The following CCDC38 variants were observed in gnomAD, a reference collection of about 807,000 sequenced individuals.
CCDC38 encodes the protein coiled-coil domain-containing protein 38.
A neutral mutation model predicts 72.8 loss-of-function variants in CCDC38; 69 were observed. That is an observed-to-expected ratio of 0.95 (90% CI 0.78 to 1.16). The LOEUF is 1.16. Among genes scored for constraint, CCDC38 ranks in the 50% most tolerant of loss-of-function variants. The pLI is 0.00. For synonymous variants in CCDC38, 201 were observed against 213.2 expected (o/e 0.94, Z 0.50); for missense variants, 626 against 638.9 (o/e 0.98, Z 0.22).
intron 10 of CCDC38, among the ~76,000 whole-genome samples, chr12:95,884,469 A>G (rs781142154): frequency 6.6e-6 from 1 of 152,262 alleles, no homozygotes; most frequent in Non-Finnish European, 1.5e-5. Context: ...TATGGATTGG[A>G]AAATGTAACA....
At chr12:95,889,528 A>T (rs1406517682) in intron 9 of CCDC38, among the ~76,000 whole-genome samples, 2 of 152,208 alleles carry the variant, frequency 1.3e-5, no homozygotes, top group African/African-American at 4.8e-5. Context: ...GTGGCCTCAC[A>T]ACACAAAAGA....
intron 2 of CCDC38, chr12:95,933,393 A>G (rs1409318902): frequency 6.6e-6 from 1 of 152,254 alleles, no homozygotes; most frequent in African/African-American, 2.4e-5. Flanking sequence ...TTAAATAAGC[A>G]TTTAACAGAA....
chr12:95,938,455 A>C (rs1243586660), intron 1 of CCDC38, among the ~76,000 whole-genome samples: 1 of 152,104 alleles, frequency 6.6e-6, no homozygotes, highest in African/African-American at 2.4e-5. Context: ...TTTATCCTTA[A>C]AGTCTTTTTG....
chr12:95,898,290 A>G, intron 7 of CCDC38, 95 bp downstream of exon 7: 1 of 1,181,812 alleles, frequency 8.5e-7, no homozygotes. Context: ...TCATCAACTG[A>G]TAAGGATGAT....
At chr12:95,888,567 A>G (rs1233098654) in intron 9 of CCDC38, 61 bp from the exon 10 acceptor site, 1 of 1,516,034 alleles carries the variant, frequency 6.6e-7, no homozygotes, top group Non-Finnish European at 9.2e-7. Flanking sequence ...AAGAAATAAC[A>G]TGGAATTAGA....
intron 9 of CCDC38, among the ~76,000 whole-genome samples, chr12:95,888,728 G>A (rs1045413371): frequency 2.6e-5 from 4 of 151,994 alleles, no homozygotes; most frequent in African/African-American, 7.3e-5. Context: ...AGTTGCATGC[G>A]TAAGAATAAA....
chr12:95,917,833 C>T (rs974036723), intron 3 of CCDC38, among the ~76,000 whole-genome samples: 4 of 149,646 alleles, frequency 2.7e-5, no homozygotes, highest in African/African-American at 9.9e-5. Flanking sequence ...ATCACACCAC[C>T]GCACTCCAGC....
chr12:95,920,583 T>A (rs904939926), intron 2 of CCDC38, among the ~76,000 whole-genome samples: 1 of 151,788 alleles, frequency 6.6e-6, no homozygotes, highest in Non-Finnish European at 1.5e-5. Flanking sequence ...ACATGTTAAG[T>A]AAAAGAAGCC....
At chr12:95,881,293 CTTAT>C (rs1367148775) in intron 11 of CCDC38, among the ~76,000 whole-genome samples, 188 bp downstream of exon 11, 2 of 149,660 alleles carry the variant, frequency 1.3e-5, no homozygotes, top group African/African-American at 2.4e-5. Context: ...CTTCTAGATA[CTTAT>C]TTGTTATAAA....
At chr12:95,923,070 C>A (rs2080226510) in intron 2 of CCDC38, among the ~76,000 whole-genome samples, 1 of 151,904 alleles carries the variant, frequency 6.6e-6, no homozygotes. Context: ...AGGAAGTAAC[C>A]CCTTCTTTTC....
chr12:95,896,074 A>T (rs1358199309), intron 7 of CCDC38, among the ~76,000 whole-genome samples: 2 of 148,210 alleles, frequency 1.3e-5, no homozygotes. Context: ...AAAAAAAAAA[A>T]AGAAAGTAGC....
chr12:95,921,322 T>G (rs1390537790), intron 2 of CCDC38, among the ~76,000 whole-genome samples: 1 of 152,104 alleles, frequency 6.6e-6, no homozygotes. Flanking sequence ...CAAGGTCAAG[T>G]GTAATTGTCT....
intron 3 of CCDC38, among the ~76,000 whole-genome samples, chr12:95,918,160 T>C (rs2080166602): frequency 6.6e-6 from 1 of 152,180 alleles, no homozygotes; most frequent in African/African-American, 2.4e-5. Flanking sequence ...TCTACTGAAA[T>C]GTGAACCAGG....
chr12:95,936,448 A>C (rs759220672), intron 2 of CCDC38, 25 bp downstream of exon 2: 27 of 1,610,424 alleles, frequency 1.7e-5, no homozygotes, highest in Non-Finnish European at 5.1e-6. Context: ...CCCAAACAAG[A>C]ATATATTGAT....
At chr12:95,909,970 C>G (rs571292106) in intron 4 of CCDC38, among the ~76,000 whole-genome samples, 1 of 152,156 alleles carries the variant, frequency 6.6e-6, no homozygotes, top group Non-Finnish European at 1.5e-5. Flanking sequence ...AAGTTAGAAG[C>G]ATTTCCCCTA....
chr12:95,900,220 G>C (rs902894193), intron 5 of CCDC38, among the ~76,000 whole-genome samples: 1 of 152,180 alleles, frequency 6.6e-6, no homozygotes, highest in Non-Finnish European at 1.5e-5. Context: ...GGAGCAGAGT[G>C]AGCAAGAGAA....
At chr12:95,940,875 A>AAAAC (rs200693556) in intron 1 of CCDC38, among the ~76,000 whole-genome samples, 2 of 85,892 alleles carry the variant, frequency 2.3e-5, no homozygotes, top group African/African-American at 6.0e-5. Context: ...GAAGTGAAAA[A>AAAAC]AAACAAACAA....
chr12:95,915,651 G>A (rs2080136749), intron 4 of CCDC38, among the ~76,000 whole-genome samples: 1 of 152,182 alleles, frequency 6.6e-6, no homozygotes, highest in Admixed American at 6.5e-5. Context: ...GAGGAGTAAG[G>A]TTTTCACTCA....
chr12:95,880,062 A>C (rs934688137), intron 11 of CCDC38: 2 of 247,754 alleles, frequency 8.1e-6, no homozygotes, highest in Non-Finnish European at 1.5e-5. Flanking sequence ...AAGGAGACAG[A>C]GCAGAAGAGG....
Sources: allele counts gnomAD v4.1 joint callset (sites outside exome capture counted in the v4.1 genomes callset), GRCh38; gene constraint gnomAD v4.1.1; transcripts MANE v1.5; gene names NCBI Gene and HGNC (gene_info 2026-07-23, HGNC 2026-07-21).